The following SEPTIN9 variants were observed in gnomAD, a reference collection of about 807,000 sequenced individuals.
SEPTIN9 encodes the protein septin 9.
In SEPTIN9, 13 loss-of-function variants were observed where a neutral mutation model predicts 56.6. That is an observed-to-expected ratio of 0.23 (90% CI 0.15 to 0.37). The LOEUF is 0.37. Among genes scored for constraint, SEPTIN9 ranks in the 10% least tolerant of loss-of-function variants. The pLI is 1.00. For synonymous variants in SEPTIN9, 332 were observed against 334.1 expected (o/e 0.99, Z 0.07); for missense variants, 650 against 823.1 (o/e 0.79, Z 2.57).
At position 77,451,420 on chromosome 17, in the gene SEPTIN9, C is replaced by T. The variant is rs961157816; in HGVS notation, c.722-30724C>T. Reference sequence around the variant, plus strand: ...CCGCGCTCTGGGAGGCTCCTTGTTCCGCGACCACAAAGCCCCTTTGATCCT... The same window carrying T: ...CCGCGCTCTGGGAGGCTCCTTGTTCTGCGACCACAAAGCCCCTTTGATCCT... On this transcript the variant is annotated intron_variant, in intron 3 of 11. Coordinates refer to ENST00000427177, the MANE Select transcript of SEPTIN9 (RefSeq NM_001113491.2). The surrounding 1 kb of genome is among the most constrained non-coding windows in gnomAD (Gnocchi z 4.2). 22 of 985,556 alleles carry T rather than the reference C, an allele frequency of 2.2e-5. No homozygotes were observed. The highest frequency in any genetic ancestry group is 4.7e-5 in the South Asian group (1 of 21,294). 61.1% of individuals were successfully genotyped at this position (985,556 alleles called of 1,614,324 possible).
At chr17:77,312,978 A>G (rs1332151376) in intron 2 of SEPTIN9, among the ~76,000 whole-genome samples, 2 of 152,170 alleles carry the variant, frequency 1.3e-5, no homozygotes, top group Non-Finnish European at 2.9e-5. Flanking sequence ...ATCATTGCGG[A>G]GAGTTCTATG....
At chr17:77,386,119 T>A (rs1475489691) in intron 2 of SEPTIN9, among the ~76,000 whole-genome samples, 3 of 152,188 alleles carry the variant, frequency 2.0e-5, no homozygotes, top group Non-Finnish European at 4.4e-5. Flanking sequence ...CCCTCAGCTG[T>A]GGGCTTCCCA....
intron 2 of SEPTIN9, among the ~76,000 whole-genome samples, chr17:77,316,654 G>A (rs190869146): frequency 2.0e-5 from 3 of 152,206 alleles, no homozygotes; most frequent in African/African-American, 7.2e-5. Flanking sequence ...CCCCACAGCA[G>A]GAGTTCGTAT....
intron 7 of SEPTIN9, among the ~76,000 whole-genome samples, chr17:77,490,368 C>T (rs2039973511): frequency 6.6e-6 from 1 of 152,206 alleles, no homozygotes; most frequent in Admixed American, 6.5e-5. Flanking sequence ...CTGGTGCTAG[C>T]TTCTATTTCT....
Position 77,319,567 on chromosome 17 carries a change from C to T in SEPTIN9, c.76+12370C>T. 1.9e-6 allele frequency: 2 copies of T among 1,057,338 alleles called. No homozygotes were observed. Among genetic ancestry groups the T allele is most frequent in the South Asian group, 9.1e-5 (2 of 21,892 alleles). The allele number at this position is 1,057,338 out of a possible 1,614,324, so 65.5% of individuals were successfully genotyped here. A position where few individuals can be genotyped will look rare whatever the true frequency, so the allele number is the denominator to read the frequency against. On this transcript the variant is annotated intron_variant, in intron 2 of 11. Coordinates refer to ENST00000427177, the MANE Select transcript of SEPTIN9 (RefSeq NM_001113491.2). This position sits in a 1 kb window ranked among gnomAD's most constrained non-coding sequence, Gnocchi z 5.3. Reference sequence around the variant, plus strand: ...CGGAGGGGGGTGACTTCTCAGGGTTCCTCCTGGGCAGGTGCTCCGGAACCT... The same window carrying T: ...CGGAGGGGGGTGACTTCTCAGGGTTTCTCCTGGGCAGGTGCTCCGGAACCT...
At chr17:77,316,365 T>C (rs2032706812) in intron 2 of SEPTIN9, among the ~76,000 whole-genome samples, 1 of 152,202 alleles carries the variant, frequency 6.6e-6, no homozygotes, top group Non-Finnish European at 1.5e-5. Context: ...AGGTTTTCCA[T>C]TTCAAGTGAT....
At chr17:77,420,636 G>T (rs559199405) in intron 3 of SEPTIN9, among the ~76,000 whole-genome samples, 9 of 152,186 alleles carry the variant, frequency 5.9e-5, no homozygotes, top group African/African-American at 2.2e-4. Context: ...CCTGCCGGCC[G>T]TTCCTCCTGC....
intron 2 of SEPTIN9, among the ~76,000 whole-genome samples, chr17:77,331,580 C>G (rs1223862004): frequency 1.3e-5 from 2 of 152,186 alleles, no homozygotes; most frequent in Non-Finnish European, 2.9e-5. Context: ...AAAGCCTTTC[C>G]TCCAGCAGGT....
intron 2 of SEPTIN9, among the ~76,000 whole-genome samples, chr17:77,328,851 C>T (rs2033243692): frequency 1.3e-5 from 2 of 152,174 alleles, no homozygotes; most frequent in African/African-American, 4.8e-5. Flanking sequence ...AAGCTAAGAA[C>T]AGGTTGCTGG....
Position 77,476,438 on chromosome 17 carries a change from G to A in SEPTIN9, c.722-5706G>A, listed in dbSNP as rs2039217941. On this transcript the variant is annotated intron_variant, in intron 3 of 11. Coordinates refer to ENST00000427177, the MANE Select transcript of SEPTIN9 (RefSeq NM_001113491.2). The surrounding 1 kb of genome is among the most constrained non-coding windows in gnomAD (Gnocchi z 6.0). The stretch of plus-strand genomic sequence containing the variant: ...CTCATCCTCGGCAGGTCCTGGGGTT[G>A]GGGTAAGAATTTGTCACTAAGTGCA... Among the ~76,000 whole-genome samples the A allele has an allele frequency of 6.6e-6, 1 of 152,240 alleles. No homozygotes were observed. The highest frequency in any genetic ancestry group is 6.5e-5 in the Admixed American group (1 of 15,288).
chr17:77,401,456 G>A (rs577591628), intron 2 of SEPTIN9, among the ~76,000 whole-genome samples: 30 of 152,220 alleles, frequency 2.0e-4, no homozygotes, highest in African/African-American at 6.3e-4. Context: ...CGACAAGAAG[G>A]AAATCAAGGC....
intron 1 of SEPTIN9, among the ~76,000 whole-genome samples, chr17:77,304,531 G>C (rs1393041612): frequency 1.3e-5 from 2 of 152,130 alleles, no homozygotes; most frequent in Non-Finnish European, 2.9e-5. Flanking sequence ...CTGGTGCTAG[G>C]GGGCAGAAGG....
intron 10 of SEPTIN9, among the ~76,000 whole-genome samples, chr17:77,496,755 T>C (rs1215733743): frequency 6.6e-6 from 1 of 152,218 alleles, no homozygotes; most frequent in Non-Finnish European, 1.5e-5. Flanking sequence ...TGAATGGTCG[T>C]CCACAGTACG....
chr17:77,426,375 G>A (rs530180916), intron 3 of SEPTIN9, among the ~76,000 whole-genome samples: 1 of 152,188 alleles, frequency 6.6e-6, no homozygotes, highest in South Asian at 2.1e-4. Context: ...GCGCAACAGC[G>A]TGAGCCCAGG....
At chr17:77,352,474 A>G (rs976000449) in intron 2 of SEPTIN9, among the ~76,000 whole-genome samples, 3 of 152,154 alleles carry the variant, frequency 2.0e-5, no homozygotes, top group Non-Finnish European at 4.4e-5. Context: ...GGAGCCAGAA[A>G]TCCCAGACCG....
chr17:77,370,498 G>A (rs11077904), intron 2 of SEPTIN9, among the ~76,000 whole-genome samples: 26,220 of 152,144 alleles, frequency 0.17, 2,897 homozygotes, highest in East Asian at 0.56. Context: ...TCACATTTGA[G>A]GTTCCAAGTG....
At position 77,451,512 on chromosome 17, in the gene SEPTIN9, G is replaced by A. The variant is rs979011820; in HGVS notation, c.722-30632G>A. On this transcript the variant is annotated intron_variant, in intron 3 of 11. Transcript: ENST00000427177. The surrounding 1 kb of genome is among the most constrained non-coding windows in gnomAD (Gnocchi z 4.2). The stretch of plus-strand genomic sequence containing the variant: ...GCTCTCGGCGCGTCCAGCGCAGCCC[G>A]ACGTTCCGCTGCTGGGGTGAGTCCT... The A allele has an allele frequency of 8.1e-6, 8 of 985,690 alleles. No individual in the cohort carries two copies. The highest frequency in any genetic ancestry group is 9.6e-6 in the Non-Finnish European group (8 of 830,220). 61.1% of individuals were successfully genotyped at this position (985,690 alleles called of 1,614,324 possible).
chr17:77,384,128 C>T lies in SEPTIN9; in HGVS notation c.77-17931C>T, dbSNP rs879590423. Among the ~76,000 whole-genome samples, 4 of 152,148 alleles carry T rather than the reference C, an allele frequency of 2.6e-5. No individual in the cohort carries two copies. In the South Asian group the frequency reaches 6.2e-4, roughly 24 times the overall value. On this transcript the variant is annotated intron_variant, in intron 2 of 11. Coordinates refer to ENST00000427177, the MANE Select transcript of SEPTIN9 (RefSeq NM_001113491.2). Reference sequence around the variant, plus strand: ...GACTGTGACCCGGAGTGGGGTGATTCGCAAAGAGGCTGGCGGGAGGCTGGC... The same window carrying T: ...GACTGTGACCCGGAGTGGGGTGATTTGCAAAGAGGCTGGCGGGAGGCTGGC...
intron 2 of SEPTIN9, among the ~76,000 whole-genome samples, chr17:77,347,999 C>CCATCAT (rs1190656934): frequency 6.6e-6 from 1 of 152,090 alleles, no homozygotes; most frequent in Admixed American, 6.6e-5. Context: ...AGACATAACT[C>CCATCAT]CATCATCATT....
Sources: gnomAD v4.1 joint callset for allele counts (sites outside exome capture counted in the v4.1 genomes callset) on GRCh38, gnomAD v4.1.1 for gene constraint, Gnocchi (gnomAD v3.1) non-coding constraint, MANE v1.5 for transcripts, NCBI Gene and HGNC (gene_info 2026-07-23, HGNC 2026-07-21) for gene names.